ZFP90: variants seen among roughly 807,000 people sequenced by gnomAD.
ZFP90 encodes the protein ZFP90 zinc finger protein.
Under a neutral mutation model 60.8 loss-of-function variants are expected in ZFP90, and 38 were observed. The ratio of observed to expected loss-of-function variants is 0.62; its 90% CI spans 0.48 to 0.82. The LOEUF (loss-of-function observed/expected upper bound fraction) is 0.82, where lower values mean the gene tolerates loss of function less well. Ranked by LOEUF, ZFP90 falls within the 40% of genes least tolerant of loss-of-function variation. ZFP90 has a pLI of 0.00. For synonymous variants in ZFP90, 287 were observed against 264.8 expected (o/e 1.08, Z -0.82); for missense variants, 711 against 759.1 (o/e 0.94, Z 0.74).
At chr16:68,556,517 G>T (rs1264129661) in intron 2 of ZFP90, among the ~76,000 whole-genome samples, 1 of 152,194 alleles carries the variant, frequency 6.6e-6, no homozygotes, top group Non-Finnish European at 1.5e-5. Flanking sequence ...TGCTGACAGG[G>T]ACTGGTTCAT....
chr16:68,550,893 T>G (rs888216651), intron 2 of ZFP90, among the ~76,000 whole-genome samples: 2 of 152,034 alleles, frequency 1.3e-5, no homozygotes, highest in African/African-American at 4.8e-5. Flanking sequence ...AAATGAAGAG[T>G]CAAGGAGGAG....
At chr16:68,537,286 C>G, upstream of ZFP90, among the ~76,000 whole-genome samples, 1 of 152,106 alleles carries the variant, frequency 6.6e-6, no homozygotes, top group Non-Finnish European at 1.5e-5. Flanking sequence ...CCACCACACC[C>G]TGCTAATTTT....
intron 4 of ZFP90, 126 bp from the exon 5 acceptor site, chr16:68,562,918 C>T: frequency 6.5e-7 from 1 of 1,544,772 alleles, no homozygotes. Context: ...GGGTCGTCTT[C>T]TCAGGATACA....
chr16:68,540,172 AGGAG>A (rs1266423655), intron 2 of ZFP90, among the ~76,000 whole-genome samples: 2 of 152,172 alleles, frequency 1.3e-5, no homozygotes, highest in South Asian at 4.2e-4. Flanking sequence ...AACACTGTAG[AGGAG>A]GAAGTGACTG....
intron 4 of ZFP90, among the ~76,000 whole-genome samples, chr16:68,558,885 T>C (rs1597741031): frequency 6.6e-6 from 1 of 150,762 alleles, no homozygotes; most frequent in South Asian, 2.1e-4. Context: ...CCCCCATCTT[T>C]TCCTTGTTTA....
At chr16:68,557,906 C>A in intron 2 of ZFP90, 92 bp from the exon 3 acceptor site, 11 of 1,541,786 alleles carry the variant, frequency 7.1e-6, no homozygotes, top group Non-Finnish European at 9.8e-6. Context: ...TGTGTGATCA[C>A]CACTTCTGAT....
chr16:68,554,343 C>T (rs896545537), intron 2 of ZFP90, among the ~76,000 whole-genome samples: 8 of 151,836 alleles, frequency 5.3e-5, no homozygotes, highest in Non-Finnish European at 1.0e-4. Context: ...GAGTTTGCCA[C>T]GTTGGCCATG....
upstream of ZFP90, among the ~76,000 whole-genome samples, chr16:68,537,324 C>T (rs986410547): frequency 2.6e-5 from 4 of 152,036 alleles, no homozygotes; most frequent in East Asian, 7.7e-4. Context: ...TGGGGTTTTA[C>T]TATGTTGGCC....
chr16:68,543,512 A>G (rs1011859982), intron 2 of ZFP90, among the ~76,000 whole-genome samples: 50 of 151,704 alleles, frequency 3.3e-4, no homozygotes, highest in African/African-American at 1.2e-3. Context: ...TATTTATAGG[A>G]TTGTTAGTAG....
downstream of ZFP90, among the ~76,000 whole-genome samples, chr16:68,576,485 G>A (rs541877480): frequency 1.2e-4 from 18 of 152,286 alleles, no homozygotes; most frequent in South Asian, 3.3e-3. Context: ...GGTGGCTCAC[G>A]CCTGTAATCC....
rs557696020 is a variant in ZFP90, at chr16:68,539,964, A to G, written c.33+139A>G. 55 of 1,277,796 alleles carry G rather than the reference A, an allele frequency of 4.3e-5. 1 individual carries two copies. In the Middle Eastern group the frequency reaches 1.5e-3, roughly 35 times the overall value. The allele number at this position is 1,277,796 out of a possible 1,614,324, so 79.2% of individuals were successfully genotyped here. A position where few individuals can be genotyped will look rare whatever the true frequency, so the allele number is the denominator to read the frequency against. On this transcript the variant is annotated intron_variant, in intron 2 of 4. Coordinates refer to ENST00000563169, the MANE Select transcript of ZFP90 (RefSeq NM_001305203.2). The stretch of plus-strand genomic sequence containing the variant: ...CTCGATCGGAGCCTCCTGGCCATGG[A>G]AAACCCCAGGCTTTGGGGAGCTGGA...
In ZFP90 at chr16:68,566,892, A is replaced by AGG; in HGVS notation, c.*2195_*2196dup. 1.0e-6 allele frequency: 1 copy of AGG among 985,628 alleles called. No homozygotes were observed. Among genetic ancestry groups the AGG allele is most frequent in the Non-Finnish European group, 1.2e-6 (1 of 829,962 alleles). 61.1% of individuals were successfully genotyped at this position (985,628 alleles called of 1,614,324 possible). A position where few individuals can be genotyped will look rare whatever the true frequency, so the allele number is the denominator to read the frequency against. On this transcript the variant is annotated 3_prime_UTR_variant, in exon 5 of 5. Transcript: ENST00000563169. ...AAAACCTTAGTTCCAGAAGACCCAA[A>AGG]GGAGAGTACTGGTTTGTGTTTGGTG...
intron 2 of ZFP90, among the ~76,000 whole-genome samples, chr16:68,540,778 C>T (rs2091029323): frequency 8.1e-6 from 1 of 123,140 alleles, no homozygotes; most frequent in Non-Finnish European, 1.6e-5. Flanking sequence ...TTGAGACCAG[C>T]CTGGGCAACA....
At position 68,551,489 on chromosome 16, in the gene ZFP90, T is replaced by G. The variant is rs959307341; in HGVS notation, c.34-6509T>G. On this transcript the variant is annotated intron_variant, in intron 2 of 4. Transcript: ENST00000563169. ...CAGGCTGGAGTGCAGTAGCACAGTC[T>G]TGGCTTACTGCAAACTTCGTCTCCT... 2.0e-5 allele frequency among the ~76,000 whole-genome samples: 3 copies of G among 148,590 alleles called. No homozygotes were observed. The East Asian group carries it at 6.0e-4, about 30-fold the overall frequency.
At position 68,539,816 on chromosome 16, in the gene ZFP90, C is replaced by T. The variant is rs1345473268; in HGVS notation, c.24C>T (p.Ala8=). The T allele has an allele frequency of 1.9e-6, 3 of 1,605,636 alleles. No homozygotes were observed. The highest frequency in any genetic ancestry group is 2.7e-5 in the African/African-American group (2 of 74,868). ...GAATGGCCCCGAGGCCTCCGACCGC[C>T]GCGCCCCAGGTGAGCAACGCGTTCC... is the stretch of plus-strand genomic sequence containing the variant. MAPRPPT[A]APQESVTFKD... Residue 8 remains alanine (A), a synonymous_variant, in exon 2 of 5, where the codon GCC becomes GCT. Transcript: ENST00000563169.
chr16:68,572,345 C>T (rs1368912041), intron 2 of ZFP90, among the ~76,000 whole-genome samples: 1 of 152,170 alleles, frequency 6.6e-6, no homozygotes, highest in Non-Finnish European at 1.5e-5. Flanking sequence ...TTACTGTCTG[C>T]ATTAAAAAAC....
In ZFP90 at chr16:68,564,319, G is replaced by C; in HGVS notation, c.1532G>C (p.Ser511Thr). The C allele has an allele frequency of 6.2e-7, 1 of 1,613,976 alleles. No individual in the cohort carries two copies. The highest frequency in any genetic ancestry group is 8.5e-7 in the Non-Finnish European group (1 of 1,179,990). ...GGGAAAGCTTTCAAAAGGAGTACAA[G>C]TTTCATAGAGCATCACAGAATTCAT... ...VCGKAFKRST[S>T]FIEHHRIHTG... Residue 511 changes from serine to threonine, a missense_variant, in exon 5 of 5, where the codon AGT becomes ACT. Ser to Thr is a moderately conservative substitution (Grantham distance 58). This residue lies in a region of ZFP90 where 295 missense variants were observed against 274.0 expected (regional missense o/e 1.08). Transcript: ENST00000563169.
At chr16:68,570,113 A>G (rs990094120), downstream of ZFP90, among the ~76,000 whole-genome samples, 1 of 151,448 alleles carries the variant, frequency 6.6e-6, no homozygotes, top group African/African-American at 2.4e-5. Context: ...TTCTTGCATC[A>G]CTCAATAGTA....
chr16:68,571,855 A>T (rs1384995170), downstream of ZFP90, among the ~76,000 whole-genome samples: 1 of 152,236 alleles, frequency 6.6e-6, no homozygotes, highest in African/African-American at 2.4e-5. Flanking sequence ...GCCACTTGCC[A>T]GAAATGCCTT....
Sources: gnomAD v4.1 joint callset for allele counts (sites outside exome capture counted in the v4.1 genomes callset) on GRCh38, gnomAD v4.1.1 for gene constraint, gnomAD v4.1.1 regional missense constraint, MANE v1.5 for transcripts, NCBI Gene and HGNC (gene_info 2026-07-23, HGNC 2026-07-21) for gene names.